The following CTNNA2 variants were observed in gnomAD, a reference collection of about 807,000 sequenced individuals.
CTNNA2 encodes catenin alpha-2.
A neutral mutation model predicts 101.0 loss-of-function variants in CTNNA2; 42 were observed. The observed-to-expected ratio is 0.42, with a 90% confidence interval of 0.32 to 0.54. CTNNA2 has a LOEUF of 0.54. CTNNA2 is among the 20% of genes least tolerant of loss of function. CTNNA2 has a pLI of 0.14. For missense variants in CTNNA2, 871 were observed against 1,223.1 expected, an observed-to-expected ratio of 0.71 and a Z score of 4.29; for synonymous variants, 450 against 456.4, an observed-to-expected ratio of 0.99 and a Z score of 0.18.
intron 8 of CTNNA2, among the ~76,000 whole-genome samples, chr2:80,418,859 T>C (rs1316626339): frequency 1.3e-5 from 2 of 152,256 alleles, no homozygotes; most frequent in East Asian, 3.8e-4. Context: ...TGGGCTTGTT[T>C]ATTCTCATTT....
chr2:80,098,706 C>T (rs983134567), intron 7 of CTNNA2, among the ~76,000 whole-genome samples: 7 of 152,170 alleles, frequency 4.6e-5, no homozygotes, highest in Non-Finnish European at 8.8e-5. Flanking sequence ...TCGGAAATGG[C>T]AGGCGCCCCT....
At chr2:80,028,173 A>T (rs1695062465) in intron 7 of CTNNA2, 1 of 152,114 alleles carries the variant, frequency 6.6e-6, no homozygotes, top group Non-Finnish European at 1.5e-5. Context: ...GCTCCCACTG[A>T]TGAGAGCTTA....
chr2:79,755,806 A>G (rs962455385), intron 3 of CTNNA2, among the ~76,000 whole-genome samples: 23 of 152,320 alleles, frequency 1.5e-4, no homozygotes, highest in African/African-American at 3.4e-4. Context: ...TATGCTATCT[A>G]GGAATGAAAT....
chr2:79,736,530 A>T (rs1464614439), intron 2 of CTNNA2, among the ~76,000 whole-genome samples: 1 of 152,204 alleles, frequency 6.6e-6, no homozygotes, highest in Admixed American at 6.5e-5. Flanking sequence ...AGTTAGTTAC[A>T]CTAGTTTTCC....
At chr2:79,397,532 A>G (rs79024342) in intron 4 of CTNNA2, among the ~76,000 whole-genome samples, 14,289 of 152,120 alleles carry the variant, frequency 0.094, 922 homozygotes, top group Non-Finnish European at 0.14. Flanking sequence ...CATCCTTTCA[A>G]ATCTGAGCAT....
At chr2:79,894,041 C>CT in intron 6 of CTNNA2, among the ~76,000 whole-genome samples, 1 of 146,200 alleles carries the variant, frequency 6.8e-6, no homozygotes, top group Non-Finnish European at 1.5e-5. Flanking sequence ...TCTTCTTCTT[C>CT]TTCTTCTTCT....
At chr2:80,540,237 ATTTAC>A (rs1237534323) in intron 9 of CTNNA2, among the ~76,000 whole-genome samples, 1 of 152,144 alleles carries the variant, frequency 6.6e-6, no homozygotes, top group Admixed American at 6.5e-5. Context: ...AAAATAGGAC[ATTTAC>A]TTTACCACAG....
chr2:80,212,075 G>A (rs1157105948), intron 7 of CTNNA2, among the ~76,000 whole-genome samples: 1 of 152,156 alleles, frequency 6.6e-6, no homozygotes, highest in Non-Finnish European at 1.5e-5. Context: ...TTTGTTTCCT[G>A]AGACTTTGCA....
At chr2:79,810,215 G>T (rs1023687617) in intron 3 of CTNNA2, among the ~76,000 whole-genome samples, 2 of 152,116 alleles carry the variant, frequency 1.3e-5, no homozygotes, top group Admixed American at 6.6e-5. Flanking sequence ...AAGAAAAAGA[G>T]GTTTAAGGGA....
chr2:80,610,786 G>A (rs1698401128), intron 17 of CTNNA2, among the ~76,000 whole-genome samples: 1 of 151,688 alleles, frequency 6.6e-6, no homozygotes, highest in Non-Finnish European at 1.5e-5. Flanking sequence ...GTGATTCTAT[G>A]TATACAAACT....
chr2:80,465,446 C>G (rs551703278), intron 9 of CTNNA2, among the ~76,000 whole-genome samples: 3 of 152,254 alleles, frequency 2.0e-5, no homozygotes, highest in South Asian at 2.1e-4. Flanking sequence ...GTGACAACAA[C>G]GTAAATTACT....
At chr2:79,635,930 G>A (rs1680008907) in intron 1 of CTNNA2, among the ~76,000 whole-genome samples, 1 of 151,756 alleles carries the variant, frequency 6.6e-6, no homozygotes, top group Non-Finnish European at 1.5e-5. Context: ...GTTGTATATA[G>A]GAGGCTGGAA....
intron 7 of CTNNA2, among the ~76,000 whole-genome samples, chr2:80,190,640 A>G (rs970816384): frequency 7.9e-5 from 12 of 152,160 alleles, no homozygotes; most frequent in Admixed American, 7.2e-4. Context: ...TGCTGAAATC[A>G]TTGCTATCAG....
intron 9 of CTNNA2, among the ~76,000 whole-genome samples, chr2:80,534,906 C>T (rs956760505): frequency 4.6e-5 from 7 of 152,070 alleles, no homozygotes; most frequent in Non-Finnish European, 2.9e-5. Flanking sequence ...ATTGGAGACT[C>T]CCCTAAATGC....
chr2:80,416,302 AT>A (rs1680042548), intron 8 of CTNNA2, among the ~76,000 whole-genome samples: 1 of 152,176 alleles, frequency 6.6e-6, no homozygotes, highest in African/African-American at 2.4e-5. Flanking sequence ...TTTATAAAAA[AT>A]GTATGTTTAT....
rs149106319 is a variant in CTNNA2 at position 80,078,310 on chromosome 2, C to T, written c.1056+168513C>T. Among the ~76,000 whole-genome samples, 265 of 151,954 alleles carry T rather than the reference C, an allele frequency of 1.7e-3. 3 individuals are homozygous for T. The highest frequency in any genetic ancestry group is 0.017 in the Middle Eastern group (5 of 294). ...GGAAGTGCAGGGGACCATGGGTGTG[C>T]GGGAGAGGGGCATTTAACTGGGAGG... On this transcript the variant is annotated intron_variant, in intron 7 of 18. Transcript: ENST00000402739.
At chr2:79,549,819 C>A (rs1022775728) in intron 1 of CTNNA2, among the ~76,000 whole-genome samples, 2 of 152,122 alleles carry the variant, frequency 1.3e-5, no homozygotes, top group Admixed American at 6.5e-5. Context: ...GCTATTTCCC[C>A]TGTTATATGA....
intron 3 of CTNNA2, among the ~76,000 whole-genome samples, chr2:79,812,592 C>G (rs745712864): frequency 7.9e-5 from 12 of 152,176 alleles, no homozygotes; most frequent in Non-Finnish European, 1.3e-4. Flanking sequence ...TATGATCTCA[C>G]CCATGCCTAC....
chr2:79,911,143 G>A (rs913573621), intron 7 of CTNNA2, among the ~76,000 whole-genome samples: 6 of 152,206 alleles, frequency 3.9e-5, no homozygotes, highest in African/African-American at 1.4e-4. Flanking sequence ...GTAGGGTGCA[G>A]CTAGAAATGT....
Sources: gnomAD v4.1 joint callset for allele counts (sites outside exome capture counted in the v4.1 genomes callset) on GRCh38, gnomAD v4.1.1 for gene constraint, MANE v1.5 for transcripts, NCBI Gene and HGNC (gene_info 2026-07-23, HGNC 2026-07-21) for gene names.